The following ABLIM1 variants were observed in gnomAD, a reference collection of about 807,000 sequenced individuals.
The protein encoded by ABLIM1 is actin binding LIM protein 1, also known as actin-binding LIM protein 1.
A neutral mutation model predicts 107.0 loss-of-function variants in ABLIM1; 40 were observed. The observed-to-expected ratio is 0.37, with a 90% confidence interval of 0.29 to 0.49. The LOEUF is 0.49. Among genes scored for constraint, ABLIM1 ranks in the 20% least tolerant of loss-of-function variants. ABLIM1 has a pLI of 0.97. For missense variants in ABLIM1, 857 were observed against 1,008.5 expected, an observed-to-expected ratio of 0.85 and a Z score of 2.04; for synonymous variants, 357 against 357.3, an observed-to-expected ratio of 1.00 and a Z score of 0.01.
At chr10:114,549,515 C>T (rs1469717955) in intron 4 of ABLIM1, among the ~76,000 whole-genome samples, 2 of 152,100 alleles carry the variant, frequency 1.3e-5, no homozygotes, top group Admixed American at 6.5e-5. Context: ...GCTAGTTTAA[C>T]CCGTTCTTTT....
At chr10:114,504,492 G>A (rs1056875965) in intron 6 of ABLIM1, among the ~76,000 whole-genome samples, 1 of 152,082 alleles carries the variant, frequency 6.6e-6, no homozygotes, top group Non-Finnish European at 1.5e-5. Context: ...TATCATGAGG[G>A]AATACAGAAG....
the ABLIM1 span, among the ~76,000 whole-genome samples, chr10:114,790,977 A>C: frequency 3.3e-5 from 5 of 152,226 alleles, no homozygotes; most frequent in African/African-American, 1.2e-4. Context: ...CAAAGGGATC[A>C]GTAACCCCAA....
At chr10:114,622,251 T>C (rs1006522346) in intron 1 of ABLIM1, among the ~76,000 whole-genome samples, 1 of 150,168 alleles carries the variant, frequency 6.7e-6, no homozygotes, top group Non-Finnish European at 1.5e-5. Context: ...CTTTTTCTTT[T>C]TTTTTTTTTT....
chr10:114,752,308 C>T (rs1468963629), intron 1 of ABLIM1, among the ~76,000 whole-genome samples: 1 of 152,226 alleles, frequency 6.6e-6, no homozygotes, highest in Non-Finnish European at 1.5e-5. Context: ...AGTCTCCTAA[C>T]TCCTTGTCCA....
the ABLIM1 span, among the ~76,000 whole-genome samples, chr10:114,794,429 C>CTGAA: frequency 6.6e-6 from 1 of 152,076 alleles, no homozygotes; most frequent in Non-Finnish European, 1.5e-5. Flanking sequence ...GTAAGTTTTG[C>CTGAA]TGAATGAATG....
chr10:114,536,231 T>G (rs1339645166), intron 6 of ABLIM1, among the ~76,000 whole-genome samples: 2 of 4,010 alleles, frequency 5.0e-4, no homozygotes, highest in East Asian at 0.014. Flanking sequence ...TTCTTTGTTT[T>G]TTTTTTTTTT....
chr10:114,791,104 A>C, the ABLIM1 span, among the ~76,000 whole-genome samples: 1 of 151,866 alleles, frequency 6.6e-6, no homozygotes, highest in East Asian at 1.9e-4. Flanking sequence ...ATGGGGTCTC[A>C]CTCTGTCTCC....
intron 22 of ABLIM1, 110 bp from the exon 23 acceptor site, chr10:114,436,483 G>A: frequency 1.3e-6 from 1 of 746,178 alleles, no homozygotes; most frequent in Non-Finnish European, 2.2e-6. Flanking sequence ...AACAAGGCAG[G>A]AGGACGGGAG....
At chr10:114,680,118 A>C (rs1255620562) in intron 1 of ABLIM1, among the ~76,000 whole-genome samples, 1 of 151,776 alleles carries the variant, frequency 6.6e-6, no homozygotes, top group Non-Finnish European at 1.5e-5. Context: ...CAACGTTATA[A>C]ATAATTTGCA....
intron 1 of ABLIM1, among the ~76,000 whole-genome samples, chr10:114,622,321 A>T (rs1474339512): frequency 2.1e-5 from 3 of 146,188 alleles, no homozygotes; most frequent in Non-Finnish European, 4.5e-5. Flanking sequence ...TTCATGGCTC[A>T]TCGCATCCTC....
rs529162745 is a variant in ABLIM1 at position 114,673,875 on chromosome 10, AC to A, written c.64+10414del. 5.8e-4 allele frequency among the ~76,000 whole-genome samples: 88 copies of A among 152,284 alleles called. 2 individuals are homozygous for A. In the South Asian group the frequency reaches 0.017, roughly 30 times the overall value. On this transcript the variant is annotated intron_variant, in intron 1 of 23. Transcript: ENST00000369256. ...CAATAAAGATGAAATCCCTAGAGTG[AC>A]TTAAAAAAATAAAAGACTATTGAGA...
chr10:114,757,272 G>A (rs889129370), intron 1 of ABLIM1, among the ~76,000 whole-genome samples: 2 of 152,224 alleles, frequency 1.3e-5, no homozygotes, highest in Non-Finnish European at 1.5e-5. Flanking sequence ...CCTCTGGCAC[G>A]AACAAGACCT....
At chr10:114,583,638 T>G (rs1049945936) in intron 2 of ABLIM1, among the ~76,000 whole-genome samples, 3 of 150,886 alleles carry the variant, frequency 2.0e-5, no homozygotes, top group Non-Finnish European at 4.4e-5. Flanking sequence ...CTAAGAAAAA[T>G]AAATTGTTCC....
At chr10:114,582,889 G>A (rs1027198954) in intron 2 of ABLIM1, among the ~76,000 whole-genome samples, 8 of 152,232 alleles carry the variant, frequency 5.3e-5, no homozygotes, top group African/African-American at 1.9e-4. Flanking sequence ...TTAAGGGTAA[G>A]ACCTAAAACT....
intron 2 of ABLIM1, among the ~76,000 whole-genome samples, chr10:114,593,711 A>C (rs2075139146): frequency 6.6e-6 from 1 of 152,222 alleles, no homozygotes; most frequent in Admixed American, 6.5e-5. Context: ...TTGAAAAGAT[A>C]ATTCAAAACA....
At chr10:114,789,093 A>G in the ABLIM1 span, among the ~76,000 whole-genome samples, 1 of 151,882 alleles carries the variant, frequency 6.6e-6, no homozygotes, top group Non-Finnish European at 1.5e-5. Flanking sequence ...CACCTCTACT[A>G]AAAATACAAA....
At chr10:114,542,470 T>C (rs1170401702) in intron 6 of ABLIM1, among the ~76,000 whole-genome samples, 1 of 107,628 alleles carries the variant, frequency 9.3e-6, no homozygotes, top group Admixed American at 9.6e-5. Context: ...AAGATGATGA[T>C]GAAGAAGGAA....
upstream of ABLIM1, among the ~76,000 whole-genome samples, chr10:114,685,568 C>T (rs2080912799): frequency 6.6e-6 from 1 of 152,172 alleles, no homozygotes; most frequent in Admixed American, 6.5e-5. Flanking sequence ...TGTGCCCTTC[C>T]CCTGGTCCAG....
chr10:114,662,333 G>T (rs2079829171), upstream of ABLIM1, among the ~76,000 whole-genome samples: 1 of 152,128 alleles, frequency 6.6e-6, no homozygotes, highest in African/African-American at 2.4e-5. Flanking sequence ...GATCTTTGCT[G>T]CTAAACAGAA....
Sources: allele counts gnomAD v4.1 joint callset (sites outside exome capture counted in the v4.1 genomes callset), GRCh38; gene constraint gnomAD v4.1.1; transcripts MANE v1.5; gene names NCBI Gene and HGNC (gene_info 2026-07-23, HGNC 2026-07-21).